ASTN1: variants seen among roughly 807,000 people sequenced by gnomAD.
ASTN1 encodes the protein astrotactin 1.
In ASTN1, 41 loss-of-function variants were observed where a neutral mutation model predicts 140.7. That is an observed-to-expected ratio of 0.29 (90% confidence interval 0.23 to 0.38). The LOEUF (loss-of-function observed/expected upper bound fraction) is 0.38, where lower values mean the gene tolerates loss of function less well. Ranked by LOEUF, ASTN1 falls within the 10% of genes least tolerant of loss-of-function variation. The pLI, the probability that ASTN1 is intolerant of heterozygous loss-of-function variation, is 1.00. For missense variants in ASTN1, 1,479 were observed against 1,678.8 expected, an observed-to-expected ratio of 0.88 and a Z score of 2.08; for synonymous variants, 640 against 652.2, an observed-to-expected ratio of 0.98 and a Z score of 0.29.
chr1:177,084,524 T>C (rs915523569), intron 1 of ASTN1, among the ~76,000 whole-genome samples: 2 of 152,234 alleles, frequency 1.3e-5, no homozygotes, highest in Non-Finnish European at 2.9e-5. Flanking sequence ...TTAACTTCCT[T>C]GTTTTTGACT....
At chr1:176,913,276 C>G (rs1670329982) in intron 16 of ASTN1, among the ~76,000 whole-genome samples, 1 of 152,224 alleles carries the variant, frequency 6.6e-6, no homozygotes. Flanking sequence ...CTTTGGTCCT[C>G]TTCTTTCTCT....
rs191950548 is a variant in ASTN1, at chr1:177,061,059, A to G, written c.471+19T>C. The G allele has an allele frequency of 2.1e-5, 32 of 1,548,736 alleles. No individual in the cohort carries two copies. In the East Asian group the frequency reaches 4.2e-4, roughly 20 times the overall value. On this transcript the variant is annotated intron_variant, in intron 2 of 22. Coordinates refer to ENST00000361833, the MANE Select transcript of ASTN1 (RefSeq NM_004319.3). ...AACATAAGCTATGGCCTGAGAGGCTAAGGCTGTTCTGCTCTTACCATGACT... is the reference window on the plus strand; with the variant it reads ...AACATAAGCTATGGCCTGAGAGGCTGAGGCTGTTCTGCTCTTACCATGACT...
chr1:177,052,536 T>C (rs1289477812), intron 2 of ASTN1, among the ~76,000 whole-genome samples: 1 of 152,212 alleles, frequency 6.6e-6, no homozygotes, highest in Non-Finnish European at 1.5e-5. Context: ...TAAATTGGTC[T>C]CTCTGAGAGC....
At chr1:177,071,531 T>A (rs922319293) in intron 1 of ASTN1, among the ~76,000 whole-genome samples, 1 of 152,176 alleles carries the variant, frequency 6.6e-6, no homozygotes, top group African/African-American at 2.4e-5. Context: ...CTCATCCTCA[T>A]TCTAGGGAAC....
intron 16 of ASTN1, among the ~76,000 whole-genome samples, chr1:176,918,385 C>T (rs1670581635): frequency 6.6e-6 from 1 of 152,194 alleles, no homozygotes; most frequent in South Asian, 2.1e-4. Flanking sequence ...GCCTCCTTCA[C>T]TTTTCCCCTT....
At chr1:177,122,286 T>C (rs368322515) in intron 1 of ASTN1, among the ~76,000 whole-genome samples, 1 of 152,154 alleles carries the variant, frequency 6.6e-6, no homozygotes, top group Non-Finnish European at 1.5e-5. Flanking sequence ...ACAGGAGCCA[T>C]GTCTTGCCTG....
At chr1:176,957,654 T>G in intron 11 of ASTN1, 24 bp downstream of exon 11, 1 of 1,612,420 alleles carries the variant, frequency 6.2e-7, no homozygotes, top group Non-Finnish European at 8.5e-7. Context: ...AAACAGAAAC[T>G]ACTAGCTTGC....
chr1:177,148,456 G>A (rs1682818858), intron 1 of ASTN1, among the ~76,000 whole-genome samples: 1 of 151,530 alleles, frequency 6.6e-6, no homozygotes, highest in Non-Finnish European at 1.5e-5. Context: ...AGTAATATGA[G>A]GTTAATTTGA....
At chr1:176,891,738 A>C (rs1669277345) in intron 17 of ASTN1, among the ~76,000 whole-genome samples, 1 of 152,214 alleles carries the variant, frequency 6.6e-6, no homozygotes, top group African/African-American at 2.4e-5. Context: ...GGTTGCAGTG[A>C]GCCAAGAACA....
intron 3 of ASTN1, among the ~76,000 whole-genome samples, chr1:177,031,546 AT>A (rs1261302784): frequency 2.0e-5 from 3 of 152,166 alleles, no homozygotes; most frequent in African/African-American, 7.2e-5. Flanking sequence ...TTCTCAAGGA[AT>A]TTTCAGGCTT....
chr1:176,936,063 C>G, intron 15 of ASTN1: 1 of 648,158 alleles, frequency 1.5e-6, no homozygotes, highest in South Asian at 1.7e-5. Flanking sequence ...CAAGATAACA[C>G]ATGCAATGTA....
intron 7 of ASTN1, among the ~76,000 whole-genome samples, chr1:177,020,352 G>C (rs1675762244): frequency 6.6e-6 from 1 of 152,148 alleles, no homozygotes; most frequent in African/African-American, 2.4e-5. Context: ...GTTGCCTTCT[G>C]GAGGCACCCG....
At chr1:176,921,075 C>T (rs1383406989) in intron 16 of ASTN1, among the ~76,000 whole-genome samples, 6 of 152,296 alleles carry the variant, frequency 3.9e-5, no homozygotes, top group East Asian at 3.9e-4. Flanking sequence ...ACTAGTGTAG[C>T]GTTAATCACC....
chr1:176,876,701 C>T (rs1668580555), intron 20 of ASTN1, 64 bp from the exon 21 acceptor site: 6 of 1,521,802 alleles, frequency 3.9e-6, no homozygotes, highest in Non-Finnish European at 5.4e-6. Context: ...ATCTCTGTGG[C>T]CCTAGCTCAT....
chr1:176,872,327 C>G (rs1668383917), intron 21 of ASTN1, among the ~76,000 whole-genome samples: 1 of 151,720 alleles, frequency 6.6e-6, no homozygotes, highest in South Asian at 2.1e-4. Flanking sequence ...CTACGTTGGA[C>G]AAAAATCCTC....
chr1:177,122,011 G>C (rs1298945690), intron 1 of ASTN1, among the ~76,000 whole-genome samples: 1 of 152,120 alleles, frequency 6.6e-6, no homozygotes, highest in Non-Finnish European at 1.5e-5. Flanking sequence ...TTCTTGGCTC[G>C]AGCAGAAGGA....
chr1:177,045,281 A>G (rs1215382780), intron 2 of ASTN1, among the ~76,000 whole-genome samples: 1 of 152,184 alleles, frequency 6.6e-6, no homozygotes, highest in African/African-American at 2.4e-5. Context: ...CACATTCTAA[A>G]TTCCTTCCAC....
At chr1:176,869,688 C>A (rs1029921723) in intron 21 of ASTN1, among the ~76,000 whole-genome samples, 2 of 152,194 alleles carry the variant, frequency 1.3e-5, no homozygotes, top group Admixed American at 1.3e-4. Context: ...TTATCTCCAG[C>A]TTCCATCCAT....
intron 8 of ASTN1, among the ~76,000 whole-genome samples, chr1:176,995,769 G>T (rs1674410018): frequency 6.6e-6 from 1 of 152,176 alleles, no homozygotes; most frequent in Non-Finnish European, 1.5e-5. Context: ...TCTTTTGGTG[G>T]CTAGAGAGGA....
Sources: allele counts gnomAD v4.1 joint callset (sites outside exome capture counted in the v4.1 genomes callset), GRCh38; gene constraint gnomAD v4.1.1; transcripts MANE v1.5; gene names NCBI Gene and HGNC (gene_info 2026-07-23, HGNC 2026-07-21).